The following NINJ2 variants were observed in gnomAD, a reference collection of about 807,000 sequenced individuals.
The protein encoded by NINJ2 is ninjurin 2.
In NINJ2, 12 loss-of-function variants were observed where a neutral mutation model predicts 11.7. The observed-to-expected ratio is 1.02, with a 90% CI of 0.66 to 1.66. The LOEUF (loss-of-function observed/expected upper bound fraction) is 1.66. Ranked by LOEUF, NINJ2 falls within the 40% of genes most tolerant of loss-of-function variation. The pLI is 0.00. For synonymous variants in NINJ2, 93 were observed against 76.8 expected, an observed-to-expected ratio of 1.21 and a Z score of -1.10; for missense variants, 187 against 181.8, an observed-to-expected ratio of 1.03 and a Z score of -0.16.
intron 1 of NINJ2, among the ~76,000 whole-genome samples, chr12:584,070 C>A (rs1289972731): frequency 2.0e-5 from 3 of 151,394 alleles, no homozygotes; most frequent in Non-Finnish European, 4.4e-5. Flanking sequence ...AAAAAAAAAA[C>A]CCAAAATGTT....
chr12:576,257 T>G (rs1009839091), intron 1 of NINJ2, among the ~76,000 whole-genome samples: 8 of 151,594 alleles, frequency 5.3e-5, no homozygotes, highest in Admixed American at 3.9e-4. Context: ...CCGGAAGGCC[T>G]GCGGCGCCGC....
Position 614,498 on chromosome 12 carries a change from G to A in NINJ2, c.34-48320C>T, listed in dbSNP as rs1329511763. 6.6e-6 allele frequency among the ~76,000 whole-genome samples: 1 copy of A among 152,232 alleles called. No homozygotes were observed. Among genetic ancestry groups the A allele is most frequent in the Admixed American group, 6.5e-5 (1 of 15,286 alleles). On this transcript the variant is annotated intron_variant, in intron 1 of 3. Transcript: ENST00000305108. This position sits in a 1 kb window ranked among gnomAD's most constrained non-coding sequence, Gnocchi z 5.1. ...CGGTGTGCCTGTGTGCCCACGGGGG[G>A]CTCAGCAGATGGCACTCTTCCCTCA...
chr12:663,251 A>G (rs537115419), intron 1 of NINJ2, 77 bp downstream of exon 1: 7 of 1,333,454 alleles, frequency 5.2e-6, no homozygotes, highest in Non-Finnish European at 6.3e-6. Flanking sequence ...TCAAGTGACT[A>G]AAGTATCAAT....
Position 565,990 on chromosome 12 carries a change from CAG to C in NINJ2, c.220_221del (p.Leu74AlafsTer20), listed in dbSNP as rs1947294242. 1.9e-6 allele frequency: 3 copies of C among 1,614,084 alleles called. No homozygotes were observed. The highest frequency in any genetic ancestry group is 1.3e-5 in the African/African-American group (1 of 74,944). On this transcript the variant is annotated frameshift_variant, in exon 2 of 4. Coordinates refer to ENST00000305108, the MANE Select transcript of NINJ2 (RefSeq NM_016533.6). LOFTEE classifies it high-confidence loss of function. ...TTLVTLISLS[L>X]LLQVVIGVLL... Reference sequence around the variant, plus strand: ...GGACACCGATGACCACCTGCAGGAGCAGAGAGAGGCTGATGAGGGTGACCAGG... The same window carrying C: ...GGACACCGATGACCACCTGCAGGAGCAGAGAGGCTGATGAGGGTGACCAGG...
chr12:622,333 C>T (rs956085149), intron 1 of NINJ2, among the ~76,000 whole-genome samples: 32 of 136,886 alleles, frequency 2.3e-4, no homozygotes, highest in African/African-American at 8.6e-4. Flanking sequence ...TGGCATGAAC[C>T]CGGGAAGCGG....
rs1947554939 is a variant in NINJ2, at chr12:581,497, C to T, written c.34-15319G>A. Reference sequence around the variant, plus strand: ...CCTGGCCCTAGGACTCATGCCTTTTCCCTGCCAGCAAAGCAGGTCCAGCCT... The same window carrying T: ...CCTGGCCCTAGGACTCATGCCTTTTTCCTGCCAGCAAAGCAGGTCCAGCCT... On this transcript the variant is annotated intron_variant, in intron 1 of 3. Transcript: ENST00000305108. This position sits in a 1 kb window ranked among gnomAD's most constrained non-coding sequence, Gnocchi z 4.9. 6.6e-6 allele frequency among the ~76,000 whole-genome samples: 1 copy of T among 152,164 alleles called. No individual in the cohort carries two copies. The highest frequency in any genetic ancestry group is 1.5e-5 in the Non-Finnish European group (1 of 68,016).
At chr12:576,580 A>C (rs2535424) in intron 1 of NINJ2, among the ~76,000 whole-genome samples, 2 of 152,116 alleles carry the variant, frequency 1.3e-5, no homozygotes, top group South Asian at 2.1e-4. Flanking sequence ...CTGCAGCCTC[A>C]ACCTCGGGGC....
At chr12:590,408 G>T (rs1417976108) in intron 1 of NINJ2, among the ~76,000 whole-genome samples, 1 of 152,248 alleles carries the variant, frequency 6.6e-6, no homozygotes, top group Non-Finnish European at 1.5e-5. Context: ...TGGGGAAAGG[G>T]AGGGGTGGAA....
chr12:610,446 G>C, intron 1 of NINJ2: 4 of 1,535,256 alleles, frequency 2.6e-6, no homozygotes, highest in Non-Finnish European at 3.5e-6. Context: ...CGGAAAATGA[G>C]GTCAGCCTGG....
chr12:572,499 A>G (rs936019954), intron 1 of NINJ2, among the ~76,000 whole-genome samples: 11 of 152,202 alleles, frequency 7.2e-5, no homozygotes, highest in Admixed American at 4.6e-4. Flanking sequence ...GGGAAGAGTG[A>G]TTCGTTCAAA....
Position 618,949 on chromosome 12 carries a change from G to A in NINJ2, c.33+44379C>T, listed in dbSNP as rs548178207. Among the ~76,000 whole-genome samples the A allele has an allele frequency of 5.3e-4, 80 of 152,288 alleles. No individual in the cohort carries two copies. In the Middle Eastern group the frequency reaches 0.027, roughly 52 times the overall value. On this transcript the variant is annotated intron_variant, in intron 1 of 3. Coordinates refer to ENST00000305108, the MANE Select transcript of NINJ2 (RefSeq NM_016533.6). Reference sequence around the variant, plus strand: ...GTTCAGGTGCAGAAAAACTGGTCTCGTGTATTCTCCATGGGTCCCCACAAA... The same window carrying A: ...GTTCAGGTGCAGAAAAACTGGTCTCATGTATTCTCCATGGGTCCCCACAAA...
chr12:610,431 C>G (rs1948013750), intron 1 of NINJ2: 2 of 1,535,486 alleles, frequency 1.3e-6, no homozygotes, highest in Non-Finnish European at 1.7e-6. Context: ...AACAGGAAGT[C>G]TCAACGGAAA....
intron 1 of NINJ2, among the ~76,000 whole-genome samples, chr12:568,670 C>G (rs952828120): frequency 6.6e-6 from 1 of 152,248 alleles, no homozygotes; most frequent in Non-Finnish European, 1.5e-5. Flanking sequence ...GGGCAGTTCC[C>G]TGCACCTGGG....
In NINJ2 at chr12:581,489, T is replaced by A. The variant is rs528883157; in HGVS notation, c.34-15311A>T. On this transcript the variant is annotated intron_variant, in intron 1 of 3. Transcript: ENST00000305108. The surrounding 1 kb of genome is among the most constrained non-coding windows in gnomAD (Gnocchi z 4.9). ...CTGGATTGCCTGGCCCTAGGACTCA[T>A]GCCTTTTCCCTGCCAGCAAAGCAGG... Among the ~76,000 whole-genome samples, 8 of 152,280 alleles carry A rather than the reference T, an allele frequency of 5.3e-5. No individual in the cohort carries two copies. Among genetic ancestry groups the A allele is most frequent in the African/African-American group, 1.9e-4 (8 of 41,556 alleles).
intron 1 of NINJ2, chr12:643,061 A>G (rs1393076690): frequency 6.5e-6 from 1 of 152,852 alleles, no homozygotes; most frequent in Non-Finnish European, 1.5e-5. Context: ...CCCGCGGGCT[A>G]CGGCCGCCTG....
In NINJ2 at chr12:581,918, G is replaced by A. The variant is rs908424003; in HGVS notation, c.34-15740C>T. The stretch of plus-strand genomic sequence containing the variant: ...CCTGAGAACCAGATTCTCCGCGGAC[G>A]CTGAACACACAAAAAGCCCAGCCCT... On this transcript the variant is annotated intron_variant, in intron 1 of 3. Transcript: ENST00000305108. This position sits in a 1 kb window ranked among gnomAD's most constrained non-coding sequence, Gnocchi z 4.9. Among the ~76,000 whole-genome samples the A allele has an allele frequency of 1.3e-5, 2 of 152,160 alleles. No homozygotes were observed. Among genetic ancestry groups the A allele is most frequent in the African/African-American group, 4.8e-5 (2 of 41,432 alleles).
At chr12:624,893 G>A (rs1948194944) in intron 1 of NINJ2, among the ~76,000 whole-genome samples, 2 of 151,432 alleles carry the variant, frequency 1.3e-5, no homozygotes, top group African/African-American at 4.9e-5. Flanking sequence ...TGGATCACCT[G>A]AGGTAAGGAG....
rs764631287 is a variant in NINJ2 at position 566,095 on chromosome 12, G to A, written c.117C>T (p.Asp39=). Residue 39 remains aspartate, a synonymous_variant, in exon 2 of 4, where the codon GAC becomes GAT. Coordinates refer to ENST00000305108, the MANE Select transcript of NINJ2 (RefSeq NM_016533.6). ...TGGCGTTGGACATGAACAGGGCCACGTCCAGCATGCTCTCCGCCACGCTCT... is the reference window on the plus strand; with the variant it reads ...TGGCGTTGGACATGAACAGGGCCACATCCAGCATGCTCTCCGCCACGCTCT... ...TKKSVAESML[D]VALFMSNAMR... The A allele has an allele frequency of 1.2e-5, 19 of 1,614,062 alleles. No individual in the cohort carries two copies. Among genetic ancestry groups the A allele is most frequent in the African/African-American group, 2.7e-5 (2 of 74,916 alleles).
rs746399101 is a variant in NINJ2, at chr12:611,245, TTCTCTCTCTC to T, written c.34-45077_34-45068del. The stretch of plus-strand genomic sequence containing the variant: ...TCTTTCTTTTTCTTTCTTTCTTTCT[TTCTCTCTCTC>T]TCTTTCTTTCTTTCTTTCTCTCTCT... On this transcript the variant is annotated intron_variant, in intron 1 of 3. Coordinates refer to ENST00000305108, the MANE Select transcript of NINJ2 (RefSeq NM_016533.6). 1.1e-4 allele frequency among the ~76,000 whole-genome samples: 12 copies of T among 113,170 alleles called. No homozygotes were observed. The East Asian group carries it at 1.7e-3, about 16-fold the overall frequency. 74.2% of individuals were successfully genotyped at this position (113,170 alleles called of 152,430 possible).
Sources: gnomAD v4.1 joint callset for allele counts (sites outside exome capture counted in the v4.1 genomes callset) on GRCh38, gnomAD v4.1.1 for gene constraint, Gnocchi (gnomAD v3.1) non-coding constraint, MANE v1.5 for transcripts, NCBI Gene and HGNC (gene_info 2026-07-23, HGNC 2026-07-21) for gene names.